CNTRL: variants seen among roughly 807,000 people sequenced by gnomAD.
The protein encoded by CNTRL is centriolin.
In CNTRL, 233 loss-of-function variants were observed where a neutral mutation model predicts 303.7. The observed-to-expected ratio is 0.77, with a 90% confidence interval of 0.69 to 0.86. The LOEUF is 0.86. Ranked by LOEUF, CNTRL falls within the 40% of genes least tolerant of loss-of-function variation. CNTRL has a pLI of 0.00. For synonymous variants in CNTRL, 900 were observed against 922.2 expected, an observed-to-expected ratio of 0.98 and a Z score of 0.44; for missense variants, 2,524 against 2,650.6, an observed-to-expected ratio of 0.95 and a Z score of 1.05.
Position 121,088,433 on chromosome 9 carries a change from C to T in CNTRL, c.107C>T (p.Ser36Leu). 6 of 1,611,548 alleles carry T rather than the reference C, an allele frequency of 3.7e-6. No individual in the cohort carries two copies. The highest frequency in any genetic ancestry group is 4.2e-6 in the Non-Finnish European group (5 of 1,177,648). The change falls in exon 3 of 44, where the codon TCA becomes TTA. Residue 36 changes from serine to leucine, a missense_variant. By Grantham distance (145) the Ser-to-Leu change is moderately radical. Transcript: ENST00000373855. The stretch of plus-strand genomic sequence containing the variant: ...TCCAATATGAGATCTAGGTCACTTT[C>T]ACCTTTGATTGGATCAGAGACTCTA... ...SMSNMRSRSL[S>L]PLIGSETLPF...
rs758278344 is a variant in CNTRL at position 121,113,658 on chromosome 9, A to G, written c.1279A>G (p.Met427Val). Residue 427 changes from methionine (M) to valine (V), a missense_variant, in exon 10 of 44, where the codon ATG becomes GTG. Physicochemically the swap from Met to Val is conservative, Grantham distance 21. Coordinates refer to ENST00000373855, the MANE Select transcript of CNTRL (RefSeq NM_007018.6). ...EPDEQLRNDH[M>V]NLRGHTPLDT... ...AGATGAACAACTTAGAAATGATCACATGAACTTGAGAGGCCACACACCACT... is the reference window on the plus strand; with the variant it reads ...AGATGAACAACTTAGAAATGATCACGTGAACTTGAGAGGCCACACACCACT... 7.5e-6 allele frequency: 12 copies of G among 1,605,910 alleles called. No homozygotes were observed. The South Asian group carries it at 1.0e-4, about 13-fold the overall frequency.
intron 12 of CNTRL, 161 bp downstream of exon 12, chr9:121,118,701 G>T: frequency 2.1e-6 from 1 of 472,218 alleles, no homozygotes; most frequent in African/African-American, 2.0e-5. Context: ...CATGGGTTCT[G>T]CATCTGTGGA....
At chr9:121,076,948 G>A (rs992687823) in intron 1 of CNTRL, among the ~76,000 whole-genome samples, 2 of 152,128 alleles carry the variant, frequency 1.3e-5, no homozygotes, top group Non-Finnish European at 2.9e-5. Context: ...TTGCATATTA[G>A]GGAGTCTGTA....
At chr9:121,103,075 G>T (rs1256027499) in intron 7 of CNTRL, among the ~76,000 whole-genome samples, 1 of 152,176 alleles carries the variant, frequency 6.6e-6, no homozygotes, top group Non-Finnish European at 1.5e-5. Flanking sequence ...AACCAAAAAA[G>T]AGCCTGCATT....
chr9:121,132,672 G>A (rs1293180327), intron 14 of CNTRL, among the ~76,000 whole-genome samples: 1 of 152,086 alleles, frequency 6.6e-6, no homozygotes, highest in African/African-American at 2.4e-5. Flanking sequence ...GCTTTGTTCT[G>A]TTGCTGGTGA....
intron 7 of CNTRL, 66 bp downstream of exon 7, chr9:121,098,638 G>C: frequency 9.8e-7 from 1 of 1,022,636 alleles, no homozygotes; most frequent in Non-Finnish European, 1.4e-6. Context: ...AAGTTATCTA[G>C]AAATATGTAT....
chr9:121,150,697 G>A (rs920004981), intron 25 of CNTRL: 1 of 528,994 alleles, frequency 1.9e-6, no homozygotes, highest in Non-Finnish European at 3.3e-6. Flanking sequence ...AGGAGACTGA[G>A]ACAAGAGGAT....
chr9:121,166,851 A>T (rs991238774), intron 36 of CNTRL, among the ~76,000 whole-genome samples: 1 of 151,662 alleles, frequency 6.6e-6, no homozygotes, highest in African/African-American at 2.4e-5. Flanking sequence ...GAGAAACCCC[A>T]TCTCTACTAA....
intron 4 of CNTRL, among the ~76,000 whole-genome samples, chr9:121,092,545 TATATATCTATATATATAA>T (rs2048656975): frequency 7.8e-5 from 2 of 25,492 alleles, no homozygotes; most frequent in African/African-American, 3.0e-4. Flanking sequence ...ATATATATTA[TATATATCTATATATATAA>T]TATATATCTA....
At position 121,148,697 on chromosome 9, in the gene CNTRL, C is replaced by G. The variant is rs1234000858; in HGVS notation, c.3485C>G (p.Thr1162Ser). ...GTTTCCAGCCATAGTTCCCAGGCCACCAAGGACTCTGGTGTTGGCCTTAAG... is the reference window on the plus strand; with the variant it reads ...GTTTCCAGCCATAGTTCCCAGGCCAGCAAGGACTCTGGTGTTGGCCTTAAG... ...SKVSSHSSQA[T>S]KDSGVGLKYS... Residue 1162 changes from threonine to serine, a missense_variant, in exon 24 of 44, where the codon ACC becomes AGC. Transcript: ENST00000373855. 6.2e-7 allele frequency: 1 copy of G among 1,613,852 alleles called. No homozygotes were observed. The highest frequency in any genetic ancestry group is 1.1e-5 in the South Asian group (1 of 91,072).
intron 26 of CNTRL, among the ~76,000 whole-genome samples, chr9:121,153,526 G>T (rs2052401631): frequency 1.3e-5 from 2 of 151,912 alleles, no homozygotes; most frequent in African/African-American, 4.8e-5. Context: ...TTCTTCTCAG[G>T]TGCCCACAAT....
At chr9:121,076,261 C>T (rs1314098320) in intron 1 of CNTRL, among the ~76,000 whole-genome samples, 1 of 152,130 alleles carries the variant, frequency 6.6e-6, no homozygotes, top group Admixed American at 6.5e-5. Context: ...GTTCTTCCTA[C>T]ATAAAAGTTG....
chr9:121,123,974 A>G lies in CNTRL; in HGVS notation c.1694A>G (p.Asp565Gly). ...AQKSGKEQQL[D>G]IMNKQYQQLE... The stretch of plus-strand genomic sequence containing the variant: ...AAGAGCGGTAAAGAACAACAGCTTG[A>G]CATTATGAACAAGCAGTACCAACAA... Residue 565 changes from aspartate to glycine, a missense_variant, in exon 13 of 44, where the codon GAC becomes GGC. Coordinates refer to ENST00000373855, the MANE Select transcript of CNTRL (RefSeq NM_007018.6). 6.2e-7 allele frequency: 1 copy of G among 1,611,668 alleles called. No individual in the cohort carries two copies. Among genetic ancestry groups the G allele is most frequent in the Non-Finnish European group, 8.5e-7 (1 of 1,179,054 alleles).
rs372586712 is a variant in CNTRL at position 121,149,201 on chromosome 9, C to T, written c.3649+340C>T. On this transcript the variant is annotated intron_variant, in intron 24 of 43. Transcript: ENST00000373855. Reference sequence around the variant, plus strand: ...CATGGTGTCTTGTGTCCTTGCATCACGGCATTAATCTCATCCTCCTAAAAT... The same window carrying T: ...CATGGTGTCTTGTGTCCTTGCATCATGGCATTAATCTCATCCTCCTAAAAT... Among the ~76,000 whole-genome samples the T allele has an allele frequency of 1.6e-4, 24 of 152,272 alleles. No homozygotes were observed. In the East Asian group the frequency reaches 3.9e-3, roughly 25 times the overall value.
intron 18 of CNTRL, among the ~76,000 whole-genome samples, chr9:121,141,844 T>C (rs552386541): frequency 1.3e-5 from 2 of 152,340 alleles, no homozygotes; most frequent in African/African-American, 4.8e-5. Context: ...AGGTAAATAA[T>C]GCCACATTCC....
At chr9:121,086,160 A>G (rs1471135908) in intron 2 of CNTRL, among the ~76,000 whole-genome samples, 4 of 152,210 alleles carry the variant, frequency 2.6e-5, no homozygotes, top group Non-Finnish European at 5.9e-5. Flanking sequence ...AGATAACTCT[A>G]TTCATTCATT....
chr9:121,121,558 C>T (rs1224355722), intron 12 of CNTRL, among the ~76,000 whole-genome samples: 2 of 152,228 alleles, frequency 1.3e-5, no homozygotes, highest in Admixed American at 1.3e-4. Context: ...CCGGAGCAAA[C>T]ATAATGAAGA....
chr9:121,095,097 TGAAA>T lies in CNTRL; in HGVS notation c.479+83_479+86del. The T allele has an allele frequency of 4.7e-6, 5 of 1,056,312 alleles. No individual in the cohort carries two copies. The South Asian group carries it at 8.3e-5, about 17-fold the overall frequency. 65.4% of individuals were successfully genotyped at this position (1,056,312 alleles called of 1,614,324 possible). Reference sequence around the variant, plus strand: ...GGTAGATTAATGTTATCCACATTACTGAAAGAATGATTTGACAGAAACAGAAGAT... The same window carrying T: ...GGTAGATTAATGTTATCCACATTACTGAATGATTTGACAGAAACAGAAGAT... On this transcript the variant is annotated intron_variant, in intron 5 of 43. Transcript: ENST00000373855.
At chr9:121,114,041 A>G (rs755688733) in intron 10 of CNTRL, among the ~76,000 whole-genome samples, 1 of 152,230 alleles carries the variant, frequency 6.6e-6, no homozygotes, top group Non-Finnish European at 1.5e-5. Context: ...TAACTGAAGC[A>G]AGTAAAGAAC....
Sources: allele counts gnomAD v4.1 joint callset (sites outside exome capture counted in the v4.1 genomes callset), GRCh38; gene constraint gnomAD v4.1.1; transcripts MANE v1.5; gene names NCBI Gene and HGNC (gene_info 2026-07-23, HGNC 2026-07-21).